TTC28: variants seen among roughly 807,000 people sequenced by gnomAD.
TTC28 encodes the protein tetratricopeptide repeat protein 28.
In TTC28, 61 loss-of-function variants were observed where a neutral mutation model predicts 198.0. The ratio of observed to expected loss-of-function variants is 0.31; its 90% CI spans 0.25 to 0.38. The LOEUF is 0.38. Among genes scored for constraint, TTC28 ranks in the 10% least tolerant of loss-of-function variants. The pLI, the probability that TTC28 is intolerant of heterozygous loss-of-function variation, is 1.00. For synonymous variants in TTC28, 1,171 were observed against 1,297.8 expected, an observed-to-expected ratio of 0.90 and a Z score of 2.10; for missense variants, 2,678 against 3,164.0, an observed-to-expected ratio of 0.85 and a Z score of 3.69.
chr22:28,226,837 T>TCTTTTTTTTTTTTGTTTACTTTTATA (rs1928380484), intron 5 of TTC28, among the ~76,000 whole-genome samples: 1 of 152,222 alleles, frequency 6.6e-6, no homozygotes, highest in Non-Finnish European at 1.5e-5. Flanking sequence ...TTACTTTTAT[T>TCTTTTTTTTTTTTGTTTACTTTTATA]TCTCAATTAT....
At chr22:28,205,108 T>A (rs1406342405) in intron 5 of TTC28, among the ~76,000 whole-genome samples, 1 of 152,106 alleles carries the variant, frequency 6.6e-6, no homozygotes, top group Admixed American at 6.6e-5. Context: ...TGTTTTCATG[T>A]TTCTTTATTC....
intron 2 of TTC28, among the ~76,000 whole-genome samples, chr22:28,343,585 A>C (rs1303800916): frequency 6.6e-6 from 1 of 152,140 alleles, no homozygotes; most frequent in Non-Finnish European, 1.5e-5. Context: ...TGCCTAATTC[A>C]AAAATTTCAA....
chr22:28,613,411 A>T (rs965921334), intron 2 of TTC28, among the ~76,000 whole-genome samples: 7 of 152,128 alleles, frequency 4.6e-5, no homozygotes, highest in African/African-American at 1.7e-4. Flanking sequence ...ACTATTCCAA[A>T]CAATAGAAAA....
chr22:28,442,087 T>G (rs568560185), intron 2 of TTC28, among the ~76,000 whole-genome samples: 1 of 152,032 alleles, frequency 6.6e-6, no homozygotes, highest in Admixed American at 6.5e-5. Context: ...CTGGGACCAA[T>G]AGCAATTTAT....
chr22:28,382,295 A>C (rs1029970025), intron 2 of TTC28, among the ~76,000 whole-genome samples: 2 of 152,220 alleles, frequency 1.3e-5, no homozygotes, highest in African/African-American at 4.8e-5. Flanking sequence ...CATAATAAAA[A>C]TTATGACAAC....
In TTC28 at chr22:28,491,551, C is replaced by T. The variant is rs2146344448; in HGVS notation, c.381+138001G>A. On this transcript the variant is annotated intron_variant, in intron 2 of 22. Transcript: ENST00000397906. ...CCATCAAAGAAATGCAAATCAAAAC[C>T]ACAATGAGATACCATCTCACATCAG... is the stretch of plus-strand genomic sequence containing the variant. Among the ~76,000 whole-genome samples, 3 of 152,228 alleles carry T rather than the reference C, an allele frequency of 2.0e-5. No individual in the cohort carries two copies. In the Middle Eastern group the frequency reaches 0.01, roughly 518 times the overall value.
intron 12 of TTC28, among the ~76,000 whole-genome samples, chr22:28,089,806 C>A (rs1941755485): frequency 1.3e-5 from 2 of 151,196 alleles, no homozygotes; most frequent in South Asian, 4.2e-4. Flanking sequence ...GAGTTCCTGT[C>A]CTTTGTAGGG....
At chr22:28,294,803 A>C (rs2044860244) in intron 5 of TTC28, among the ~76,000 whole-genome samples, 1 of 151,940 alleles carries the variant, frequency 6.6e-6, no homozygotes, top group African/African-American at 2.4e-5. Context: ...TCCTGACCTC[A>C]TGATCCGCCT....
chr22:28,392,038 G>C (rs987841194), intron 2 of TTC28, among the ~76,000 whole-genome samples: 44 of 152,320 alleles, frequency 2.9e-4, no homozygotes, highest in Non-Finnish European at 5.4e-4. Flanking sequence ...TGTCCTTTCT[G>C]TTTGTTAGTT....
Position 28,136,039 on chromosome 22 carries a change from A to C in TTC28, c.1441+27053T>G, listed in dbSNP as rs1439940926. Among the ~76,000 whole-genome samples the C allele has an allele frequency of 2.0e-5, 3 of 152,234 alleles. No homozygotes were observed. The South Asian group carries it at 6.2e-4, about 31-fold the overall frequency. ...ATAATACTATTGTAAAACACAATAAAATATCACAGCAATGACCAGTTGCTA... is the reference window on the plus strand; with the variant it reads ...ATAATACTATTGTAAAACACAATAACATATCACAGCAATGACCAGTTGCTA... On this transcript the variant is annotated intron_variant, in intron 6 of 22. Coordinates refer to ENST00000397906, the MANE Select transcript of TTC28 (RefSeq NM_001145418.2).
intron 5 of TTC28, among the ~76,000 whole-genome samples, chr22:28,199,879 GT>G (rs1925774478): frequency 6.6e-6 from 1 of 152,008 alleles, no homozygotes; most frequent in South Asian, 2.1e-4. Flanking sequence ...TATCTGTAAA[GT>G]TTTGAAAACT....
At chr22:28,626,320 C>T (rs1468569225) in intron 2 of TTC28, among the ~76,000 whole-genome samples, 1 of 152,008 alleles carries the variant, frequency 6.6e-6, no homozygotes, top group African/African-American at 2.4e-5. Flanking sequence ...ATAAAAAATT[C>T]TCCATCTAGT....
intron 2 of TTC28, among the ~76,000 whole-genome samples, chr22:28,520,895 A>C (rs2048891559): frequency 6.6e-6 from 1 of 152,096 alleles, no homozygotes; most frequent in Non-Finnish European, 1.5e-5. Flanking sequence ...TCTACTAAAA[A>C]TACAAAAATT....
intron 2 of TTC28, among the ~76,000 whole-genome samples, chr22:28,619,338 TAGGG>T (rs1400794266): frequency 6.6e-6 from 1 of 152,206 alleles, no homozygotes; most frequent in Non-Finnish European, 1.5e-5. Flanking sequence ...AATGGAAGCT[TAGGG>T]AGGTATAGCA....
chr22:28,097,531 G>C (rs1270648417), intron 10 of TTC28, among the ~76,000 whole-genome samples: 1 of 152,152 alleles, frequency 6.6e-6, no homozygotes, highest in African/African-American at 2.4e-5. Context: ...TAAGGAACTG[G>C]TCTATAATCT....
At chr22:28,272,542 A>G (rs779111490) in intron 5 of TTC28, among the ~76,000 whole-genome samples, 4 of 152,230 alleles carry the variant, frequency 2.6e-5, no homozygotes, top group Non-Finnish European at 5.9e-5. Context: ...TTCTAAACAA[A>G]TAAATATCAG....
At chr22:28,070,305 C>T (rs1459972505) in intron 12 of TTC28, among the ~76,000 whole-genome samples, 7 of 152,036 alleles carry the variant, frequency 4.6e-5, no homozygotes, top group Non-Finnish European at 1.0e-4. Context: ...AACCTCCACA[C>T]AATAAATACT....
At chr22:28,411,037 T>C (rs2047073381) in intron 2 of TTC28, among the ~76,000 whole-genome samples, 2 of 152,206 alleles carry the variant, frequency 1.3e-5, no homozygotes, top group South Asian at 2.1e-4. Context: ...TTCATTTTTA[T>C]TCAATTCCTT....
chr22:28,603,453 T>C (rs1241854183), intron 2 of TTC28, among the ~76,000 whole-genome samples: 1 of 152,036 alleles, frequency 6.6e-6, no homozygotes, highest in African/African-American at 2.4e-5. Context: ...AATGGCACAA[T>C]CATGGCTCAC....
Sources: allele counts gnomAD v4.1 joint callset (sites outside exome capture counted in the v4.1 genomes callset), GRCh38; gene constraint gnomAD v4.1.1; transcripts MANE v1.5; gene names NCBI Gene and HGNC (gene_info 2026-07-23, HGNC 2026-07-21).